Variants in SDK1 observed in about 807,000 individuals in gnomAD.
The protein encoded by SDK1 is protein sidekick-1.
A neutral mutation model predicts 245.5 loss-of-function variants in SDK1; 157 were observed. The ratio of observed to expected loss-of-function variants is 0.64; its 90% CI spans 0.56 to 0.73. The LOEUF is 0.73. SDK1 is among the 30% of genes least tolerant of loss of function. The pLI, the probability that SDK1 is intolerant of heterozygous loss-of-function variation, is 0.00. For synonymous variants in SDK1, 1,647 were observed against 1,278.5 expected (o/e 1.29, Z -6.15); for missense variants, 3,583 against 3,002.3 (o/e 1.19, Z -4.52).
chr7:4,147,646 C>A (rs760946966), intron 29 of SDK1, among the ~76,000 whole-genome samples: 1 of 152,046 alleles, frequency 6.6e-6, no homozygotes, highest in Non-Finnish European at 1.5e-5. Flanking sequence ...GCTGGAGGGA[C>A]GGAAGCCCTC....
At chr7:4,237,982 G>C (rs117404491) in intron 42 of SDK1, among the ~76,000 whole-genome samples, 198 bp downstream of exon 42, 1,651 of 152,280 alleles carry the variant, frequency 0.011, 10 homozygotes, top group Non-Finnish European at 0.019. Context: ...TCGGGACCCA[G>C]ATGCTGACCC....
In SDK1 at chr7:3,894,768, G is replaced by A. The variant is rs923249522; in HGVS notation, c.848-56155G>A. Among the ~76,000 whole-genome samples, 12 of 147,438 alleles carry A rather than the reference G, an allele frequency of 8.1e-5. No homozygotes were observed. The South Asian group carries it at 2.4e-3, about 29-fold the overall frequency. On this transcript the variant is annotated intron_variant, in intron 5 of 44. Transcript: ENST00000404826. ...GGTTGGAGTGCAGTGATGCAATCTC[G>A]GTTCACTGCAACCTCTGCCTCCCAA...
At chr7:4,022,532 G>A (rs778869774) in intron 17 of SDK1, among the ~76,000 whole-genome samples, 1 of 152,180 alleles carries the variant, frequency 6.6e-6, no homozygotes, top group Non-Finnish European at 1.5e-5. Context: ...TGCCTGGGCT[G>A]AGGGAGGGAA....
intron 5 of SDK1, among the ~76,000 whole-genome samples, chr7:3,884,044 T>A (rs373755552): frequency 3.5e-5 from 5 of 141,594 alleles, no homozygotes; most frequent in African/African-American, 1.4e-4. Context: ...GTGATTGGTT[T>A]TTTGTTTGTT....
At chr7:4,211,813 G>A (rs192167733) in intron 38 of SDK1, among the ~76,000 whole-genome samples, 5 of 152,276 alleles carry the variant, frequency 3.3e-5, no homozygotes, top group African/African-American at 1.2e-4. Flanking sequence ...GTTTCACCAT[G>A]TTAGCCAGGA....
intron 19 of SDK1, among the ~76,000 whole-genome samples, chr7:4,059,521 T>A (rs79943487): frequency 0.049 from 7,512 of 152,242 alleles, 318 homozygotes; most frequent in African/African-American, 0.11. Context: ...CCTCTCAGCA[T>A]TAGACAGGTC....
chr7:3,565,436 T>C (rs931909551), intron 1 of SDK1, among the ~76,000 whole-genome samples: 2 of 152,206 alleles, frequency 1.3e-5, no homozygotes, highest in Non-Finnish European at 2.9e-5. Context: ...TCATTTTATG[T>C]CCTGATCAGT....
chr7:3,454,923 G>A (rs1780626663), intron 1 of SDK1, among the ~76,000 whole-genome samples: 1 of 152,182 alleles, frequency 6.6e-6, no homozygotes, highest in Non-Finnish European at 1.5e-5. Flanking sequence ...TTTCCAGAGT[G>A]ACTGTACCAT....
chr7:3,960,850 G>A (rs763517331), intron 8 of SDK1, among the ~76,000 whole-genome samples: 1 of 152,176 alleles, frequency 6.6e-6, no homozygotes, highest in Non-Finnish European at 1.5e-5. Flanking sequence ...AGCTTCTTAA[G>A]GCCAACAACT....
At chr7:3,302,484 C>T (rs1779300674) in intron 1 of SDK1, 1 of 152,158 alleles carries the variant, frequency 6.6e-6, no homozygotes, top group South Asian at 2.1e-4. Flanking sequence ...CTATTGGCTT[C>T]TGTTTAGAAT....
rs142127174 is a variant in SDK1, at chr7:3,703,093, G to A, written c.713+60988G>A. Among the ~76,000 whole-genome samples the A allele has an allele frequency of 4.1e-4, 61 of 148,584 alleles. 1 individual carries two copies. Among genetic ancestry groups the A allele is most frequent in the African/African-American group, 1.4e-3 (55 of 40,438 alleles). On this transcript the variant is annotated intron_variant, in intron 4 of 44. Coordinates refer to ENST00000404826, the MANE Select transcript of SDK1 (RefSeq NM_152744.4). ...AAAAAAAAAAAAAATGTATGCCGACGATACGACTTAGTTCTCCTGAACGTT... is the reference window on the plus strand; with the variant it reads ...AAAAAAAAAAAAAATGTATGCCGACAATACGACTTAGTTCTCCTGAACGTT...
At chr7:3,506,524 G>A (rs1782397220) in intron 1 of SDK1, among the ~76,000 whole-genome samples, 1 of 152,078 alleles carries the variant, frequency 6.6e-6, no homozygotes, top group Admixed American at 6.5e-5. Context: ...ATTTTCAAAT[G>A]CTTTACTCTC....
intron 35 of SDK1, among the ~76,000 whole-genome samples, chr7:4,193,304 ATAT>A (rs889474962): frequency 7.3e-5 from 10 of 136,220 alleles, no homozygotes; most frequent in South Asian, 4.3e-4. Context: ...ACATATAAAA[ATAT>A]TAATATATTT....
chr7:3,814,403 G>C (rs1351586994), intron 4 of SDK1, among the ~76,000 whole-genome samples: 1 of 150,660 alleles, frequency 6.6e-6, no homozygotes, highest in East Asian at 2.0e-4. Flanking sequence ...TCTCAGGTTT[G>C]TCAAAGATCA....
chr7:3,918,216 A>G (rs906649325), intron 5 of SDK1, among the ~76,000 whole-genome samples: 1 of 151,670 alleles, frequency 6.6e-6, no homozygotes, highest in African/African-American at 2.4e-5. Context: ...GGGGTTCCCA[A>G]CCCCCCCAGC....
rs774844891 is a variant in SDK1 at position 4,174,211 on chromosome 7, T to C, written c.4801-11T>C. 6.2e-7 allele frequency: 1 copy of C among 1,613,894 alleles called. No individual in the cohort carries two copies. The highest frequency in any genetic ancestry group is 8.5e-7 in the Non-Finnish European group (1 of 1,179,866). ...CCATGGTGTGGCTGAGTCGGTGTGA[T>C]GTCTTTGCAGCCTCCGAGGGACGAA... On this transcript the variant is annotated splice_polypyrimidine_tract_variant and intron_variant, in intron 32 of 44. Coordinates refer to ENST00000404826, the MANE Select transcript of SDK1 (RefSeq NM_152744.4).
chr7:3,751,956 T>C (rs1301907260), intron 4 of SDK1, among the ~76,000 whole-genome samples: 1 of 152,182 alleles, frequency 6.6e-6, no homozygotes, highest in African/African-American at 2.4e-5. Context: ...CGAAAGATAG[T>C]GTTTCATGGG....
intron 5 of SDK1, among the ~76,000 whole-genome samples, chr7:3,847,336 G>A (rs376887310): frequency 6.6e-6 from 1 of 152,208 alleles, no homozygotes; most frequent in African/African-American, 2.4e-5. Context: ...TCCTGGGATG[G>A]TCTTAAATTC....
chr7:3,441,229 T>A (rs1351176634), intron 1 of SDK1, among the ~76,000 whole-genome samples: 1 of 152,182 alleles, frequency 6.6e-6, no homozygotes, highest in Non-Finnish European at 1.5e-5. Flanking sequence ...GATTTATAAA[T>A]TAAACTGTAT....
Sources: gnomAD v4.1 joint callset for allele counts (sites outside exome capture counted in the v4.1 genomes callset) on GRCh38, gnomAD v4.1.1 for gene constraint, MANE v1.5 for transcripts, NCBI Gene and HGNC (gene_info 2026-07-23, HGNC 2026-07-21) for gene names.